Variants in CTNNA3 observed in about 807,000 individuals in gnomAD.
The protein encoded by CTNNA3 is catenin alpha-3.
In CTNNA3, 76 loss-of-function variants were observed where a neutral mutation model predicts 95.7. The observed-to-expected ratio is 0.79, with a 90% CI of 0.66 to 0.96. CTNNA3 has a LOEUF of 0.96. CTNNA3 is among the 40% of genes least tolerant of loss of function. The pLI is 0.00. For missense variants in CTNNA3, 1,191 were observed against 1,089.8 expected (o/e 1.09, Z -1.31); for synonymous variants, 431 against 374.4 (o/e 1.15, Z -1.74).
At chr10:66,259,288 T>C (rs1431324741) in intron 13 of CTNNA3, among the ~76,000 whole-genome samples, 1 of 152,096 alleles carries the variant, frequency 6.6e-6, no homozygotes, top group African/African-American at 2.4e-5. Flanking sequence ...ATACAACTTA[T>C]CCACTCACTA....
intron 9 of CTNNA3, among the ~76,000 whole-genome samples, chr10:66,754,142 T>C (rs1839275573): frequency 6.6e-6 from 1 of 152,168 alleles, no homozygotes; most frequent in African/African-American, 2.4e-5. Flanking sequence ...ACTACAAAGA[T>C]AAAGTAATCA....
intron 7 of CTNNA3, among the ~76,000 whole-genome samples, chr10:66,898,229 A>G (rs1201537407): frequency 1.3e-5 from 2 of 152,210 alleles, no homozygotes; most frequent in South Asian, 4.1e-4. Context: ...CATTAGAGAG[A>G]GTAGCTTGCA....
At chr10:66,587,849 C>T (rs181878582) in intron 10 of CTNNA3, among the ~76,000 whole-genome samples, 70 of 152,282 alleles carry the variant, frequency 4.6e-4, no homozygotes, top group Non-Finnish European at 8.4e-4. Flanking sequence ...GCTTTCAGGC[C>T]GCACCCCTTC....
intron 5 of CTNNA3, among the ~76,000 whole-genome samples, chr10:67,341,990 CTT>C (rs778187436): frequency 3.5e-4 from 40 of 115,906 alleles, no homozygotes; most frequent in Non-Finnish European, 5.9e-4. Context: ...ATTTATGTGT[CTT>C]TTTTTTGCCT....
chr10:66,603,142 A>G (rs1843992988), intron 10 of CTNNA3, among the ~76,000 whole-genome samples: 1 of 152,076 alleles, frequency 6.6e-6, no homozygotes, highest in Non-Finnish European at 1.5e-5. Flanking sequence ...AAAAAGGAAG[A>G]AAGTCTAATT....
At chr10:66,508,828 A>G (rs940493931) in intron 11 of CTNNA3, among the ~76,000 whole-genome samples, 1 of 152,088 alleles carries the variant, frequency 6.6e-6, no homozygotes, top group Admixed American at 6.6e-5. Flanking sequence ...GCTCTTATGA[A>G]TAGTGCTGCA....
intron 14 of CTNNA3, among the ~76,000 whole-genome samples, chr10:66,100,588 C>T (rs183377692): frequency 1.3e-5 from 2 of 152,194 alleles, no homozygotes; most frequent in East Asian, 3.9e-4. Flanking sequence ...CAGCAGAACA[C>T]TAATGCAAGA....
intron 11 of CTNNA3, among the ~76,000 whole-genome samples, chr10:66,444,103 G>A (rs902923704): frequency 6.6e-6 from 1 of 152,188 alleles, no homozygotes; most frequent in Non-Finnish European, 1.5e-5. Context: ...ATGAAATGAA[G>A]TCAGAAGGGA....
At chr10:66,668,620 C>T (rs1227187213) in intron 9 of CTNNA3, among the ~76,000 whole-genome samples, 2 of 151,992 alleles carry the variant, frequency 1.3e-5, no homozygotes, top group Non-Finnish European at 1.5e-5. Context: ...TGAGACCAGC[C>T]TGGCCAACAT....
intron 11 of CTNNA3, among the ~76,000 whole-genome samples, chr10:66,479,368 C>CTT (rs1238452692): frequency 3.9e-5 from 6 of 151,964 alleles, no homozygotes; most frequent in African/African-American, 1.4e-4. Flanking sequence ...AGATTTTTGG[C>CTT]TTTTATTGAC....
chr10:66,631,234 T>C (rs938290091), intron 9 of CTNNA3, among the ~76,000 whole-genome samples: 2 of 152,182 alleles, frequency 1.3e-5, no homozygotes, highest in Non-Finnish European at 2.9e-5. Flanking sequence ...GAGGAACAGA[T>C]TGACTTCATT....
intron 5 of CTNNA3, among the ~76,000 whole-genome samples, chr10:67,457,862 C>T (rs1438637032): frequency 3.9e-5 from 6 of 152,138 alleles, no homozygotes; most frequent in African/African-American, 1.4e-4. Context: ...CTTGTGATTA[C>T]ACCGGACCCA....
rs775103016 is a variant in CTNNA3 at position 65,920,402 on chromosome 10, T to G, written c.2616A>C (p.Arg872Ser). ...EKPEETCAAVRRGSAKKKIHP... is the reference protein window; with the variant it reads ...EKPEETCAAVSRGSAKKKIHP... ...GGATTTTTTTCTTTGCTGAGCCTCG[T>G]CTGACAGCTGCACACGTTTCCTCTG... is the stretch of plus-strand genomic sequence containing the variant. Residue 872 changes from arginine (R) to serine (S), a missense_variant, in exon 18 of 18, where the codon AGA (arginine) becomes AGC (serine). Transcript: ENST00000433211. 11 of 1,614,048 alleles carry G rather than the reference T, an allele frequency of 6.8e-6. No homozygotes were observed. In the Admixed American group the frequency reaches 1.2e-4, roughly 17 times the overall value.
In CTNNA3 at chr10:66,775,323, T is replaced by TC. The variant is rs1840249862; in HGVS notation, c.1128+120dup. 4 of 502,350 alleles carry TC rather than the reference T, an allele frequency of 8.0e-6. No individual in the cohort carries two copies. In the East Asian group the frequency reaches 1.1e-4, roughly 14 times the overall value. 31.1% of individuals were successfully genotyped at this position (502,350 alleles called of 1,614,324 possible). A position where few individuals can be genotyped will look rare whatever the true frequency, so the allele number is the denominator to read the frequency against. ...ATAAATGTGGAAAGTATATATTTAC[T>TC]CTTTTTTTCCTGTTCTAAATTAATT... On this transcript the variant is annotated intron_variant, in intron 8 of 17. Transcript: ENST00000433211.
chr10:67,459,443 T>C lies in CTNNA3; in HGVS notation c.579+62399A>G, dbSNP rs564233653. 4.6e-5 allele frequency among the ~76,000 whole-genome samples: 7 copies of C among 152,348 alleles called. No individual in the cohort carries two copies. In the South Asian group the frequency reaches 1.0e-3, roughly 23 times the overall value. ...TATGTTTTGCAGGAAAGTGGATAAGTGAAAACCAACTTAAGCTTCTTCTGC... is the reference window on the plus strand; with the variant it reads ...TATGTTTTGCAGGAAAGTGGATAAGCGAAAACCAACTTAAGCTTCTTCTGC... On this transcript the variant is annotated intron_variant, in intron 5 of 17. Transcript: ENST00000433211.
intron 1 of CTNNA3, among the ~76,000 whole-genome samples, chr10:67,727,882 C>T (rs1186871625): frequency 7.9e-6 from 1 of 127,238 alleles, no homozygotes; most frequent in Non-Finnish European, 1.6e-5. Context: ...TAGTATATAT[C>T]ACATATTATA....
chr10:66,642,125 T>C (rs953467872), intron 9 of CTNNA3, among the ~76,000 whole-genome samples: 2 of 152,040 alleles, frequency 1.3e-5, no homozygotes, highest in Non-Finnish European at 2.9e-5. Context: ...CAGATGTTCT[T>C]TGGGTCAGGC....
intron 12 of CTNNA3, among the ~76,000 whole-genome samples, chr10:66,342,640 A>T (rs2092465365): frequency 6.6e-6 from 1 of 152,038 alleles, no homozygotes; most frequent in South Asian, 2.1e-4. Flanking sequence ...CATTATAAAC[A>T]TCTGTGTGTA....
At chr10:66,391,851 T>C (rs2092935934) in intron 11 of CTNNA3, among the ~76,000 whole-genome samples, 1 of 151,958 alleles carries the variant, frequency 6.6e-6, no homozygotes, top group Non-Finnish European at 1.5e-5. Flanking sequence ...AAATTATCCA[T>C]AGACTGTACA....
Sources: gnomAD v4.1 joint callset for allele counts (sites outside exome capture counted in the v4.1 genomes callset) on GRCh38, gnomAD v4.1.1 for gene constraint, MANE v1.5 for transcripts, NCBI Gene and HGNC (gene_info 2026-07-23, HGNC 2026-07-21) for gene names.